The following BRCA2 variants were observed in gnomAD, a reference collection of about 807,000 sequenced individuals.
BRCA2 encodes BRCA2 DNA repair associated.
Under a neutral mutation model 276.7 loss-of-function variants are expected in BRCA2, and 203 were observed. The ratio of observed to expected loss-of-function variants is 0.73; its 90% confidence interval spans 0.65 to 0.82. The LOEUF is 0.82. Among genes scored for constraint, BRCA2 ranks in the 40% least tolerant of loss-of-function variants. BRCA2 has a pLI of 0.00. For synonymous variants in BRCA2, 1,289 were observed against 1,338.4 expected (o/e 0.96, Z 0.81); for missense variants, 3,920 against 3,915.0 (o/e 1.00, Z -0.03).
At chr13:32,317,022 A>G (rs2072267707) in intron 2 of BRCA2, among the ~76,000 whole-genome samples, 1 of 152,152 alleles carries the variant, frequency 6.6e-6, no homozygotes, top group Non-Finnish European at 1.5e-5. Context: ...ACATGGTGAA[A>G]CCCTATCTCT....
chr13:32,340,057 A>T lies in BRCA2; in HGVS notation c.5702A>T (p.Glu1901Val), dbSNP rs773600818. 2.5e-6 allele frequency: 4 copies of T among 1,613,832 alleles called. No homozygotes were observed. Among genetic ancestry groups the T allele is most frequent in the Non-Finnish European group, 3.4e-6 (4 of 1,179,842 alleles). ...TGTTACGAGGCATTGGATGATTCAG[A>T]GGATATTCTTCATAACTCTCTAGAT... Reference protein sequence around the residue: ...AGCYEALDDSEDILHNSLDND... With the variant: ...AGCYEALDDSVDILHNSLDND... The change falls in exon 11 of 27, where the codon GAG becomes GTG. Residue 1901 changes from glutamate to valine, a missense_variant. Around this residue, in one of 2 missense-constraint regions of BRCA2, gnomAD observed 3,263 missense variants for 3,156.9 expected, o/e 1.03. Coordinates refer to ENST00000380152, the MANE Select transcript of BRCA2 (RefSeq NM_000059.4).
At chr13:32,378,970 C>T (rs992188224) in intron 21 of BRCA2, among the ~76,000 whole-genome samples, 1 of 152,128 alleles carries the variant, frequency 6.6e-6, no homozygotes, top group Admixed American at 6.5e-5. Context: ...ATATTACCTA[C>T]CCCATGGACT....
In BRCA2 at chr13:32,363,258, C is replaced by G. The variant is rs397507960; in HGVS notation, c.8056C>G (p.Leu2686Val). Reference sequence around the variant, plus strand: ...AAGGGATGACACAGCTGCAAAAACACTTGTTCTCTGTGTTTCTGACATAAT... The same window carrying G: ...AAGGGATGACACAGCTGCAAAAACAGTTGTTCTCTGTGTTTCTGACATAAT... ...MERDDTAAKT[L>V]VLCVSDIISL... Residue 2686 changes from leucine (L) to valine (V), a missense_variant, in exon 18 of 27, where the codon CTT becomes GTT. Around this residue, in one of 2 missense-constraint regions of BRCA2, gnomAD observed 3,263 missense variants for 3,156.9 expected, o/e 1.03. Transcript: ENST00000380152. 6.2e-7 allele frequency: 1 copy of G among 1,614,118 alleles called. No individual in the cohort carries two copies. The highest frequency in any genetic ancestry group is 8.5e-7 in the Non-Finnish European group (1 of 1,180,014).
At chr13:32,376,536 G>T (rs945346793) in intron 20 of BRCA2, 134 bp from the exon 21 acceptor site, 43 of 871,990 alleles carry the variant, frequency 4.9e-5, no homozygotes, top group Non-Finnish European at 6.6e-5. Context: ...AAAAAAAAAA[G>T]AAAAAACTTT....
At chr13:32,342,199 G>T (rs566339618) in intron 11 of BRCA2, among the ~76,000 whole-genome samples, 2 of 151,590 alleles carry the variant, frequency 1.3e-5, no homozygotes, top group Non-Finnish European at 2.9e-5. Context: ...CCTGAACCTG[G>T]GAGGTGGAGG....
At position 32,332,645 on chromosome 13, in the gene BRCA2, G is replaced by C. The variant is rs148607710; in HGVS notation, c.1167G>C (p.Pro389=). The change falls in exon 10 of 27, where the codon CCG becomes CCC. Residue 389 remains proline (P), a synonymous_variant. Transcript: ENST00000380152. ...ACAAAATCTCCAAGGAAGTTGTACCGTCTTTGGCCTGTGAATGGTCTCAAC... is the reference window on the plus strand; with the variant it reads ...ACAAAATCTCCAAGGAAGTTGTACCCTCTTTGGCCTGTGAATGGTCTCAAC... ...GSDKISKEVV[P]SLACEWSQLT... 1 of 1,614,076 alleles carries C rather than the reference G, an allele frequency of 6.2e-7. No individual in the cohort carries two copies. Among genetic ancestry groups the C allele is most frequent in the Non-Finnish European group, 8.5e-7 (1 of 1,179,980 alleles).
At chr13:32,388,785 C>T (rs1042226597) in intron 24 of BRCA2, among the ~76,000 whole-genome samples, 1 of 151,468 alleles carries the variant, frequency 6.6e-6, no homozygotes, top group Non-Finnish European at 1.5e-5. Context: ...TTTAATCTAC[C>T]TTTGTCGAAT....
intron 3 of BRCA2, among the ~76,000 whole-genome samples, chr13:32,321,400 T>C (rs2072305605): frequency 6.6e-6 from 1 of 152,182 alleles, no homozygotes; most frequent in African/African-American, 2.4e-5. Flanking sequence ...TATAAGAGCA[T>C]GTACCAAGTG....
In BRCA2 at chr13:32,336,890, T is replaced by G. The variant is rs776556224; in HGVS notation, c.2535T>G (p.Pro845=). 1 of 1,609,684 alleles carries G rather than the reference T, an allele frequency of 6.2e-7. No homozygotes were observed. Among genetic ancestry groups the G allele is most frequent in the South Asian group, 1.1e-5 (1 of 89,460 alleles). ...AAAAATACATGAGAGTAGCATCACC[T>G]TCAAGAAAGGTACAATTCAACCAAA... is the stretch of plus-strand genomic sequence containing the variant. The part of the protein sequence containing the change: ...PPEKYMRVAS[P]SRKVQFNQNT... The change falls in exon 11 of 27, where the codon CCT becomes CCG. Residue 845 remains proline (P), a synonymous_variant. Transcript: ENST00000380152.
At position 32,368,001 on chromosome 13, in the gene BRCA2, C is replaced by CTTT. The variant is rs71071031; in HGVS notation, c.8332-2367_8332-2365dup. ...ATTAGGGTTGTCTTTTCTTCTAATT[C>CTTT]TTTTTTTTTTTTTTTTTTTTTTTTT... On this transcript the variant is annotated intron_variant, in intron 18 of 26. Coordinates refer to ENST00000380152, the MANE Select transcript of BRCA2 (RefSeq NM_000059.4). Among the ~76,000 whole-genome samples the CTTT allele has an allele frequency of 4.5e-4, 23 of 50,728 alleles. 6 individuals carry two copies. The highest frequency in any genetic ancestry group is 1.1e-3 in the African/African-American group (13 of 12,200). 33.3% of individuals were successfully genotyped at this position (50,728 alleles called of 152,430 possible). A position where few individuals can be genotyped will look rare whatever the true frequency, so the allele number is the denominator to read the frequency against.
rs876658566 is a variant in BRCA2, at chr13:32,339,804, T to G, written c.5449T>G (p.Ser1817Ala). The G allele has an allele frequency of 3.7e-6, 6 of 1,613,874 alleles. No individual in the cohort carries two copies. The highest frequency in any genetic ancestry group is 5.1e-6 in the Non-Finnish European group (6 of 1,179,798). ...TTGCGTTGAGGAACTTGTGACTAGC[T>G]CTTCACCCTGCAAAAATAAAAATGC... is the stretch of plus-strand genomic sequence containing the variant. ...DICVEELVTS[S>A]SPCKNKNAAI... Residue 1817 changes from serine (S) to alanine (A), a missense_variant, in exon 11 of 27, where the codon TCT (serine) becomes GCT (alanine). Around this residue, in one of 2 missense-constraint regions of BRCA2, gnomAD observed 3,263 missense variants for 3,156.9 expected, o/e 1.03. Transcript: ENST00000380152.
chr13:32,316,609 C>T, intron 2 of BRCA2, 82 bp downstream of exon 2: 2 of 1,188,412 alleles, frequency 1.7e-6, no homozygotes, highest in Non-Finnish European at 1.2e-6. Flanking sequence ...CCCAGTACGT[C>T]ACAGTGTTGC....
chr13:32,373,623 C>T (rs2072851222), intron 20 of BRCA2, among the ~76,000 whole-genome samples: 1 of 152,228 alleles, frequency 6.6e-6, no homozygotes, highest in African/African-American at 2.4e-5. Context: ...ACATCCAGGG[C>T]ATGCTGATAT....
At chr13:32,324,572 T>G (rs976716616) in intron 3 of BRCA2, among the ~76,000 whole-genome samples, 10 of 152,222 alleles carry the variant, frequency 6.6e-5, no homozygotes, top group Non-Finnish European at 1.2e-4. Context: ...GCACAAGTGA[T>G]ATTGTCAGAT....
In BRCA2 at chr13:32,332,713, C is replaced by T. The variant is rs876659628; in HGVS notation, c.1235C>T (p.Pro412Leu). Residue 412 changes from proline (P) to leucine (L), a missense_variant, in exon 10 of 27, where the codon CCC becomes CTC. Coordinates refer to ENST00000380152, the MANE Select transcript of BRCA2 (RefSeq NM_000059.4). ...AATGGAGCCCAGATGGAGAAAATAC[C>T]CCTATTGCATATTTCTTCATGTGAC... ...GLNGAQMEKI[P>L]LLHISSCDQN... The T allele has an allele frequency of 1.2e-6, 2 of 1,613,484 alleles. No homozygotes were observed. The highest frequency in any genetic ancestry group is 1.7e-6 in the Non-Finnish European group (2 of 1,179,752).
At chr13:32,344,909 G>A (rs139789380) in intron 12 of BRCA2, among the ~76,000 whole-genome samples, 5 of 152,198 alleles carry the variant, frequency 3.3e-5, no homozygotes, top group African/African-American at 4.8e-5. Context: ...AATATTATGC[G>A]TTGGTCATTT....
At chr13:32,331,449 G>A (rs2072390981) in intron 9 of BRCA2, among the ~76,000 whole-genome samples, 1 of 152,192 alleles carries the variant, frequency 6.6e-6, no homozygotes, top group Admixed American at 6.5e-5. Context: ...TGTGATCCCA[G>A]CTACTCAGGA....
At position 32,341,132 on chromosome 13, in the gene BRCA2, TGAG is replaced by T. The variant is rs1254573337; in HGVS notation, c.6780_6782del (p.Glu2261del). The T allele has an allele frequency of 6.2e-7, 1 of 1,613,828 alleles. No homozygotes were observed. Among genetic ancestry groups the T allele is most frequent in the East Asian group, 2.2e-5 (1 of 44,806 alleles). ...ATTCTCTTTTTACATGTCCCGAAAA[TGAG>T]GAAATGGTTTTGTCAAATTCAAGAA... On this transcript the variant is annotated inframe_deletion, in exon 11 of 27. Transcript: ENST00000380152.
chr13:32,393,942 C>T (rs1471243915), intron 24 of BRCA2, among the ~76,000 whole-genome samples: 1 of 152,152 alleles, frequency 6.6e-6, no homozygotes, highest in East Asian at 1.9e-4. Context: ...CCACTCACAC[C>T]CTGTTCCTTT....
Sources: allele counts gnomAD v4.1 joint callset (sites outside exome capture counted in the v4.1 genomes callset), GRCh38; gene constraint gnomAD v4.1.1; regional missense constraint gnomAD v4.1.1; transcripts MANE v1.5; gene names NCBI Gene and HGNC (gene_info 2026-07-23, HGNC 2026-07-21).